SLC35D3: variants seen among roughly 807,000 people sequenced by gnomAD.
SLC35D3 encodes the protein solute carrier family 35 member D3, also known as frc, fringe-like 1.
A neutral mutation model predicts 20.3 loss-of-function variants in SLC35D3; 18 were observed. That is an observed-to-expected ratio of 0.89 (90% CI 0.61 to 1.32). The LOEUF (loss-of-function observed/expected upper bound fraction) is 1.32, where lower values mean the gene tolerates loss of function less well. Ranked by LOEUF, SLC35D3 falls within the 40% of genes most tolerant of loss-of-function variation. The pLI is 0.00. For synonymous variants in SLC35D3, 313 were observed against 263.5 expected (o/e 1.19, Z -1.82); for missense variants, 556 against 565.5 (o/e 0.98, Z 0.17).
chr6:136,924,565 G>T lies in SLC35D3; in HGVS notation c.1120G>T (p.Ala374Ser), dbSNP rs1296055656. 1 of 1,613,758 alleles carries T rather than the reference G, an allele frequency of 6.2e-7. No individual in the cohort carries two copies. The highest frequency in any genetic ancestry group is 1.7e-4 in the Middle Eastern group (1 of 5,764). Reference protein sequence around the residue: ...RGSPRGVPLVAGSSEEGSRRS... With the variant: ...RGSPRGVPLVSGSSEEGSRRS... ...CAGCCCCCGAGGAGTCCCGCTGGTG[G>T]CTGGGAGCTCTGAAGAAGGGAGCAG... is the stretch of plus-strand genomic sequence containing the variant. The change falls in exon 2 of 2, where the codon GCT becomes TCT. Residue 374 changes from alanine (A) to serine (S), a missense_variant. Ala to Ser is a moderately conservative substitution (Grantham distance 99). Transcript: ENST00000331858.
Position 136,924,712 on chromosome 6 carries a change from A to G in SLC35D3, c.*16A>G. 1 of 1,593,690 alleles carries G rather than the reference A, an allele frequency of 6.3e-7. No homozygotes were observed. Among genetic ancestry groups the G allele is most frequent in the South Asian group, 1.1e-5 (1 of 88,908 alleles). On this transcript the variant is annotated 3_prime_UTR_variant, in exon 2 of 2. Transcript: ENST00000331858. ...CAGTCCTTGAGAAGGAGGTGCATGT[A>G]CGTACCTATGTGCATACACTTATTT... is the stretch of plus-strand genomic sequence containing the variant.
chr6:136,922,887 G>A lies in SLC35D3; in HGVS notation c.439+20G>A, dbSNP rs777632586. On this transcript the variant is annotated intron_variant, in intron 1 of 1. Coordinates refer to ENST00000331858, the MANE Select transcript of SLC35D3 (RefSeq NM_001008783.3). This position sits in a 1 kb window ranked among gnomAD's most constrained non-coding sequence, Gnocchi z 6.8. ...TGGCAGGTGAGCGGGCCCCCGCGCC[G>A]ACCCCCAGCCGACCCCACCCACCCC... 14 of 1,508,096 alleles carry A rather than the reference G, an allele frequency of 9.3e-6. No individual in the cohort carries two copies. In the Admixed American group the frequency reaches 2.3e-4, roughly 25 times the overall value. 93.4% of individuals were successfully genotyped at this position (1,508,096 alleles called of 1,614,324 possible).
Position 136,924,885 on chromosome 6 carries a change from C to T in SLC35D3, c.*189C>T. ...TGTGAATTATTTAGTGTGACTTCAC[C>T]TGAGGCATCACAGAGACAAAAGAAT... On this transcript the variant is annotated 3_prime_UTR_variant, in exon 2 of 2. Transcript: ENST00000331858. 1.8e-6 allele frequency: 1 copy of T among 554,168 alleles called. No individual in the cohort carries two copies. Among genetic ancestry groups the T allele is most frequent in the Non-Finnish European group, 3.0e-6 (1 of 329,010 alleles). The allele number at this position is 554,168 out of a possible 1,614,324, so 34.3% of individuals were successfully genotyped here. A position where few individuals can be genotyped will look rare whatever the true frequency, so the allele number is the denominator to read the frequency against.
Position 136,924,364 on chromosome 6 carries a change from A to G in SLC35D3, c.919A>G (p.Lys307Glu), listed in dbSNP as rs748275993. Residue 307 changes from lysine (K) to glutamate (E), a missense_variant, in exon 2 of 2, where the codon AAG (lysine) becomes GAG (glutamate). Lys to Glu is a moderately conservative substitution (Grantham distance 56). Coordinates refer to ENST00000331858, the MANE Select transcript of SLC35D3 (RefSeq NM_001008783.3). ...YCVAKFMETR[K>E]QSNYEDLEAQ... is the part of the protein sequence containing the mutation. ...TGTGGCCAAGTTCATGGAGACCAGA[A>G]AGCAAAGCAACTACGAGGACCTGGA... The G allele has an allele frequency of 1.2e-6, 2 of 1,614,116 alleles. No homozygotes were observed. Among genetic ancestry groups the G allele is most frequent in the Admixed American group, 3.3e-5 (2 of 60,024 alleles).
Position 136,923,818 on chromosome 6 carries a change from G to A in SLC35D3, c.440-67G>A. On this transcript the variant is annotated intron_variant, in intron 1 of 1. Transcript: ENST00000331858. This position sits in a 1 kb window ranked among gnomAD's most constrained non-coding sequence, Gnocchi z 6.2. ...GTTTTCCCCGTGGGTCCCCGCCCACGCCAACCTGCTGTCTTCTCTCTTTTT... is the reference window on the plus strand; with the variant it reads ...GTTTTCCCCGTGGGTCCCCGCCCACACCAACCTGCTGTCTTCTCTCTTTTT... 1.4e-6 allele frequency: 2 copies of A among 1,418,868 alleles called. No homozygotes were observed. The highest frequency in any genetic ancestry group is 1.9e-6 in the Non-Finnish European group (2 of 1,077,316). The allele number at this position is 1,418,868 out of a possible 1,614,324, so 87.9% of individuals were successfully genotyped here.
In SLC35D3 at chr6:136,923,761, G is replaced by T. The variant is rs1776093575; in HGVS notation, c.440-124G>T. On this transcript the variant is annotated intron_variant, in intron 1 of 1. Coordinates refer to ENST00000331858, the MANE Select transcript of SLC35D3 (RefSeq NM_001008783.3). The surrounding 1 kb of genome is among the most constrained non-coding windows in gnomAD (Gnocchi z 6.2). ...CAGGAATCCGGTGGGCAGAGCTGGG[G>T]CGCGAACCCAGTCTCCTTTCCTACC... 3.2e-6 allele frequency: 3 copies of T among 931,424 alleles called. No homozygotes were observed. The highest frequency in any genetic ancestry group is 4.7e-6 in the Non-Finnish European group (3 of 640,436). The allele number at this position is 931,424 out of a possible 1,614,324, so 57.7% of individuals were successfully genotyped here.
chr6:136,924,114 G>A lies in SLC35D3; in HGVS notation c.669G>A (p.Pro223=), dbSNP rs753766826. The A allele has an allele frequency of 6.2e-7, 1 of 1,612,682 alleles. No homozygotes were observed. Among genetic ancestry groups the A allele is most frequent in the Admixed American group, 1.7e-5 (1 of 60,018 alleles). Residue 223 remains proline (P), a synonymous_variant, in exon 2 of 2, where the codon CCG becomes CCA. Coordinates refer to ENST00000331858, the MANE Select transcript of SLC35D3 (RefSeq NM_001008783.3). ...GGACCTTCCCGGGCTGGAAGGACCC[G>A]GCCATGGTCTGCATCTTCGTGGCCT... is the stretch of plus-strand genomic sequence containing the variant. ...HAWTFPGWKD[P]AMVCIFVACI...
rs370208153 is a variant in SLC35D3, at chr6:136,924,441, C to T, written c.996C>T (p.Phe332=). 3 of 1,613,704 alleles carry T rather than the reference C, an allele frequency of 1.9e-6. No individual in the cohort carries two copies. The highest frequency in any genetic ancestry group is 2.7e-5 in the African/African-American group (2 of 74,904). ...AGCTAAGTGGAGACCAGCTGCCGTT[C>T]GTGATGGAGGAGCTGCCCGGGGAGG... The part of the protein sequence containing the change: ...EAQLSGDQLP[F]VMEELPGEGG... Residue 332 remains phenylalanine (F), a synonymous_variant, in exon 2 of 2, where the codon TTC becomes TTT. Coordinates refer to ENST00000331858, the MANE Select transcript of SLC35D3 (RefSeq NM_001008783.3).
chr6:136,924,742 T>G lies in SLC35D3; in HGVS notation c.*46T>G. On this transcript the variant is annotated 3_prime_UTR_variant, in exon 2 of 2. Transcript: ENST00000331858. ...CCTATGTGCATACACTTATTTTATA[T>G]GTTAGAAATGACGTGTTTTAATGAG... 1 of 1,507,710 alleles carries G rather than the reference T, an allele frequency of 6.6e-7. No individual in the cohort carries two copies. 93.4% of individuals were successfully genotyped at this position (1,507,710 alleles called of 1,614,324 possible). A position where few individuals can be genotyped will look rare whatever the true frequency, so the allele number is the denominator to read the frequency against.
chr6:136,922,611 C>T lies in SLC35D3; in HGVS notation c.183C>T (p.Arg61=), dbSNP rs1343712842. The T allele has an allele frequency of 4.3e-6, 7 of 1,611,400 alleles. No homozygotes were observed. The African/African-American group carries it at 8.0e-5, about 18-fold the overall frequency. Residue 61 remains arginine, a synonymous_variant, in exon 1 of 2, where the codon CGC becomes CGT. Transcript: ENST00000331858. The surrounding 1 kb of genome is among the most constrained non-coding windows in gnomAD (Gnocchi z 6.8). ...TAALSLELLR[R]LGLIAVPPFG... ...CGCTGAGCCTGGAGCTGCTGCGGCG[C>T]CTCGGGCTCATCGCCGTGCCCCCCT...
Position 136,924,465 on chromosome 6 carries a change from G to T in SLC35D3, c.1020G>T (p.Glu340Asp), listed in dbSNP as rs755345455. ...TCGTGATGGAGGAGCTGCCCGGGGA[G>T]GGAGGAAATGGCCGGTCAGAAGGTG... ...LPFVMEELPG[E>D]GGNGRSEGGE... The change falls in exon 2 of 2, where the codon GAG becomes GAT. Residue 340 changes from glutamate to aspartate, a missense_variant. Glu to Asp is a conservative substitution (Grantham distance 45, BLOSUM62 2). Coordinates refer to ENST00000331858, the MANE Select transcript of SLC35D3 (RefSeq NM_001008783.3). 1 of 1,613,778 alleles carries T rather than the reference G, an allele frequency of 6.2e-7. No homozygotes were observed. The highest frequency in any genetic ancestry group is 1.1e-5 in the South Asian group (1 of 91,056).
Position 136,924,255 on chromosome 6 carries a change from C to T in SLC35D3, c.810C>T (p.Gly270=). ...VVKSIATITV[G]MVAFSDVEPT... is the part of the protein sequence containing the mutation. ...AGAGCATCGCCACCATCACGGTGGGCATGGTGGCCTTCAGCGACGTGGAGC... is the reference window on the plus strand; with the variant it reads ...AGAGCATCGCCACCATCACGGTGGGTATGGTGGCCTTCAGCGACGTGGAGC... The change falls in exon 2 of 2, where the codon GGC becomes GGT. Residue 270 remains glycine, a synonymous_variant. Coordinates refer to ENST00000331858, the MANE Select transcript of SLC35D3 (RefSeq NM_001008783.3). 1 of 1,614,060 alleles carries T rather than the reference C, an allele frequency of 6.2e-7. No individual in the cohort carries two copies. Among genetic ancestry groups the T allele is most frequent in the South Asian group, 1.1e-5 (1 of 91,082 alleles).
rs1242579994 is a variant in SLC35D3 at position 136,924,584 on chromosome 6, G to C, written c.1139G>C (p.Gly380Ala). Residue 380 changes from glycine to alanine, a missense_variant, in exon 2 of 2, where the codon GGG becomes GCG. Physicochemically the swap from Gly to Ala is moderately conservative, Grantham distance 60. Coordinates refer to ENST00000331858, the MANE Select transcript of SLC35D3 (RefSeq NM_001008783.3). ...VPLVAGSSEE[G>A]SRRSLKDAYL... is the part of the protein sequence containing the mutation. ...CTGGTGGCTGGGAGCTCTGAAGAAG[G>C]GAGCAGGAGGTCGTTAAAAGATGCT... 2 of 1,613,966 alleles carry C rather than the reference G, an allele frequency of 1.2e-6. No individual in the cohort carries two copies. The highest frequency in any genetic ancestry group is 1.7e-6 in the Non-Finnish European group (2 of 1,180,036).
chr6:136,924,919 A>T lies in SLC35D3; in HGVS notation c.*223A>T. 2.1e-6 allele frequency: 1 copy of T among 472,726 alleles called. No homozygotes were observed. The highest frequency in any genetic ancestry group is 3.7e-6 in the Non-Finnish European group (1 of 273,146). The allele number at this position is 472,726 out of a possible 1,614,324, so 29.3% of individuals were successfully genotyped here. A position where few individuals can be genotyped will look rare whatever the true frequency, so the allele number is the denominator to read the frequency against. On this transcript the variant is annotated 3_prime_UTR_variant, in exon 2 of 2. Coordinates refer to ENST00000331858, the MANE Select transcript of SLC35D3 (RefSeq NM_001008783.3). Reference sequence around the variant, plus strand: ...CACAGAGACAAAAGAATGTGAAGCTACTTAACAAAGTAAGGCAACGTTTCT... The same window carrying T: ...CACAGAGACAAAAGAATGTGAAGCTTCTTAACAAAGTAAGGCAACGTTTCT...
In SLC35D3 at chr6:136,923,461, C is replaced by T. The variant is rs1232131907; in HGVS notation, c.440-424C>T. On this transcript the variant is annotated intron_variant, in intron 1 of 1. Coordinates refer to ENST00000331858, the MANE Select transcript of SLC35D3 (RefSeq NM_001008783.3). The surrounding 1 kb of genome is among the most constrained non-coding windows in gnomAD (Gnocchi z 6.2). ...GGCGTTCTCCCCCGCGCCTGGCCCG[C>T]TCCGGGTTGCAGGCCACTGGCTGGG... 6.6e-6 allele frequency among the ~76,000 whole-genome samples: 1 copy of T among 152,230 alleles called. No individual in the cohort carries two copies. Among genetic ancestry groups the T allele is most frequent in the Non-Finnish European group, 1.5e-5 (1 of 68,040 alleles).
Position 136,922,685 on chromosome 6 carries a change from C to T in SLC35D3, c.257C>T (p.Thr86Met), listed in dbSNP as rs1487167406. The T allele has an allele frequency of 6.2e-7, 1 of 1,602,770 alleles. No individual in the cohort carries two copies. The highest frequency in any genetic ancestry group is 1.7e-5 in the Admixed American group (1 of 59,026). Residue 86 changes from threonine to methionine, a missense_variant, in exon 1 of 2, where the codon ACG (threonine) becomes ATG (methionine). By Grantham distance (81) the Thr-to-Met change is moderately conservative. Transcript: ENST00000331858. This position sits in a 1 kb window ranked among gnomAD's most constrained non-coding sequence, Gnocchi z 6.8. ...TTCGCGGGGGTCGCGGTGCTCTCCA[C>T]GCTGCAGTCCAGCCTCACGCTCTGG... ...RSFAGVAVLS[T>M]LQSSLTLWSL...
At position 136,922,940 on chromosome 6, in the gene SLC35D3, C is replaced by G; in HGVS notation, c.439+73C>G. Reference sequence around the variant, plus strand: ...TCCGTCGGGCAGAGACCGCGGGGATCACTGAGTTCAACGACCTCACTTCCA... The same window carrying G: ...TCCGTCGGGCAGAGACCGCGGGGATGACTGAGTTCAACGACCTCACTTCCA... On this transcript the variant is annotated intron_variant, in intron 1 of 1. Transcript: ENST00000331858. This position sits in a 1 kb window ranked among gnomAD's most constrained non-coding sequence, Gnocchi z 6.8. The G allele has an allele frequency of 7.1e-7, 1 of 1,411,028 alleles. No individual in the cohort carries two copies. The highest frequency in any genetic ancestry group is 1.4e-5 in the African/African-American group (1 of 69,090). 87.4% of individuals were successfully genotyped at this position (1,411,028 alleles called of 1,614,324 possible).
rs1007943802 is a variant in SLC35D3 at position 136,925,053 on chromosome 6, A to G, written c.*357A>G. The G allele has an allele frequency of 1.0e-4, 18 of 178,948 alleles. No homozygotes were observed. Among genetic ancestry groups the G allele is most frequent in the Admixed American group, 3.8e-4 (7 of 18,260 alleles). 11.1% of individuals were successfully genotyped at this position (178,948 alleles called of 1,614,324 possible). ...CCTCCAAAGATGGAGTGTAGAAATG[A>G]TGACAGCACTTAGTAAGTTCAAAGA... is the stretch of plus-strand genomic sequence containing the variant. On this transcript the variant is annotated 3_prime_UTR_variant, in exon 2 of 2. Transcript: ENST00000331858.
rs1451013654 is a variant in SLC35D3, at chr6:136,923,889, C to A, written c.444C>A (p.Ala148=). 2.0e-6 allele frequency: 3 copies of A among 1,509,390 alleles called. No homozygotes were observed. The highest frequency in any genetic ancestry group is 2.8e-5 in the African/African-American group (2 of 72,580). 93.5% of individuals were successfully genotyped at this position (1,509,390 alleles called of 1,614,324 possible). Residue 148 remains alanine (A), a synonymous_variant, in exon 2 of 2, where the codon GCC becomes GCA. Transcript: ENST00000331858. The surrounding 1 kb of genome is among the most constrained non-coding windows in gnomAD (Gnocchi z 6.2). ...ITTCGAALAG[A]GDLTGDPIGY... ...CGTCCTCCTCGTGCGCCGCAGGAGC[C>A]GGCGACCTGACGGGCGACCCCATCG...
Sources: gnomAD v4.1 joint callset for allele counts (sites outside exome capture counted in the v4.1 genomes callset) on GRCh38, gnomAD v4.1.1 for gene constraint, Gnocchi (gnomAD v3.1) non-coding constraint, MANE v1.5 for transcripts, NCBI Gene and HGNC (gene_info 2026-07-23, HGNC 2026-07-21) for gene names.